Variants in XPO6 observed in about 807,000 individuals in gnomAD.
XPO6 encodes exportin 6, also known as exportin-6.
In XPO6, 3 loss-of-function variants were observed where a neutral mutation model predicts 130.0. The observed-to-expected ratio is 0.02, with a 90% confidence interval of 0.01 to 0.06. XPO6 has a LOEUF of 0.06. Among genes scored for constraint, XPO6 ranks in the 10% least tolerant of loss-of-function variants. XPO6 has a pLI of 1.00. For synonymous variants in XPO6, 524 were observed against 548.9 expected, an observed-to-expected ratio of 0.95 and a Z score of 0.63; for missense variants, 970 against 1,393.0, an observed-to-expected ratio of 0.70 and a Z score of 4.83.
chr16:28,131,908 GC>G (rs1567610446), intron 12 of XPO6, among the ~76,000 whole-genome samples: 1 of 152,214 alleles, frequency 6.6e-6, no homozygotes, highest in Non-Finnish European at 1.5e-5. Flanking sequence ...AGCCCCTGGG[GC>G]CATTTGCAAC....
At chr16:28,193,807 C>T (rs997389329) in intron 1 of XPO6, among the ~76,000 whole-genome samples, 1 of 152,166 alleles carries the variant, frequency 6.6e-6, no homozygotes, top group Admixed American at 6.5e-5. Context: ...GATTCTCAAC[C>T]AATTTTGCTA....
intron 1 of XPO6, among the ~76,000 whole-genome samples, chr16:28,193,839 C>T (rs886238520): frequency 6.6e-6 from 1 of 152,212 alleles, no homozygotes; most frequent in Non-Finnish European, 1.5e-5. Context: ...GTCCGTCTCT[C>T]AGCTCTGCCC....
At chr16:28,136,041 A>T (rs369800389) in intron 9 of XPO6, among the ~76,000 whole-genome samples, 3 of 152,326 alleles carry the variant, frequency 2.0e-5, no homozygotes, top group East Asian at 3.9e-4. Context: ...CAATGATTTC[A>T]TGCTTTTAAC....
rs559255334 is a variant in XPO6, at chr16:28,101,707, G to A, written c.3046-19C>T. The A allele has an allele frequency of 6.2e-7, 1 of 1,600,058 alleles. No homozygotes were observed. Among genetic ancestry groups the A allele is most frequent in the East Asian group, 2.2e-5 (1 of 44,626 alleles). On this transcript the variant is annotated intron_variant, in intron 22 of 23. Transcript: ENST00000304658. This position sits in a 1 kb window ranked among gnomAD's most constrained non-coding sequence, Gnocchi z 5.4. ...AGATCTTCTGCAGGCAGAGAGACCA[G>A]GTGAGCAGCAGCCAGCCCCCAGGGG...
intron 1 of XPO6, among the ~76,000 whole-genome samples, chr16:28,207,393 T>C (rs1316459392): frequency 1.3e-5 from 2 of 152,168 alleles, no homozygotes; most frequent in African/African-American, 2.4e-5. Context: ...CGCTCAATAC[T>C]AAGTAATAAT....
intron 4 of XPO6, among the ~76,000 whole-genome samples, chr16:28,170,399 A>C (rs1221886777): frequency 5.3e-5 from 8 of 152,064 alleles, no homozygotes; most frequent in Non-Finnish European, 1.2e-4. Context: ...ACCATTCAAA[A>C]TACATTCTCA....
intron 1 of XPO6, among the ~76,000 whole-genome samples, chr16:28,182,731 C>G (rs951789117): frequency 3.3e-5 from 5 of 152,132 alleles, no homozygotes; most frequent in Non-Finnish European, 5.9e-5. Flanking sequence ...CTGCAATCTT[C>G]TAAAATGTTT....
At chr16:28,117,111 G>A (rs1305555857) in intron 15 of XPO6, 1 of 570,712 alleles carries the variant, frequency 1.8e-6, no homozygotes, top group Non-Finnish European at 3.0e-6. Flanking sequence ...TATTCATGTG[G>A]AACTCAGATA....
At chr16:28,107,477 CT>C (rs1475530360) in intron 18 of XPO6, 44 bp downstream of exon 18, 2 of 1,609,932 alleles carry the variant, frequency 1.2e-6, no homozygotes, top group African/African-American at 1.3e-5. Context: ...TATTCTGGCC[CT>C]TGTTAGCACC....
rs145686706 is a variant in XPO6, at chr16:28,186,808, G to A, written c.4-5777C>T. ...CCACTTCAGCCTCCTGAGAAGCTGA[G>A]ACTATAGGCACATGCCATCACACCG... On this transcript the variant is annotated intron_variant, in intron 1 of 23. Transcript: ENST00000304658. Among the ~76,000 whole-genome samples, 168 of 152,098 alleles carry A rather than the reference G, an allele frequency of 1.1e-3. 1 individual carries two copies. Among genetic ancestry groups the A allele is most frequent in the African/African-American group, 3.5e-3 (145 of 41,472 alleles).
intron 12 of XPO6, among the ~76,000 whole-genome samples, chr16:28,128,323 G>A (rs1230977501): frequency 1.3e-5 from 2 of 151,994 alleles, no homozygotes; most frequent in Non-Finnish European, 2.9e-5. Context: ...CCAAAAAGAG[G>A]GGAGGCCAGC....
intron 1 of XPO6, among the ~76,000 whole-genome samples, chr16:28,184,026 T>C (rs1007774643): frequency 6.6e-6 from 1 of 152,152 alleles, no homozygotes; most frequent in Non-Finnish European, 1.5e-5. Flanking sequence ...TGGCCAGCTG[T>C]TTCAAGCAAG....
intron 8 of XPO6, among the ~76,000 whole-genome samples, chr16:28,151,499 A>C (rs969970756): frequency 2.0e-5 from 3 of 152,224 alleles, no homozygotes; most frequent in Non-Finnish European, 4.4e-5. Flanking sequence ...AGAAGCTCTA[A>C]AACAGGCGAA....
chr16:28,162,834 G>A (rs554233639), intron 6 of XPO6, among the ~76,000 whole-genome samples: 1 of 152,264 alleles, frequency 6.6e-6, no homozygotes, highest in African/African-American at 2.4e-5. Flanking sequence ...GGGATTTACA[G>A]GCCTAAGCCA....
chr16:28,106,521 G>T lies in XPO6; in HGVS notation c.2498-24C>A. 6.3e-7 allele frequency: 1 copy of T among 1,590,480 alleles called. No homozygotes were observed. Among genetic ancestry groups the T allele is most frequent in the Non-Finnish European group, 8.6e-7 (1 of 1,159,256 alleles). ...ATCTGAGGAAAGGGGCAGAGATATC[G>T]TCAGAGGCTTGCACACAGTGAGAAC... is the stretch of plus-strand genomic sequence containing the variant. On this transcript the variant is annotated intron_variant, in intron 18 of 23. Coordinates refer to ENST00000304658, the MANE Select transcript of XPO6 (RefSeq NM_015171.4). This position sits in a 1 kb window ranked among gnomAD's most constrained non-coding sequence, Gnocchi z 4.2.
intron 15 of XPO6, 198 bp downstream of exon 15, chr16:28,117,120 T>A (rs1722067535): frequency 8.1e-6 from 5 of 619,334 alleles, no homozygotes; most frequent in Non-Finnish European, 1.3e-5. Context: ...GGAACTCAGA[T>A]AACTAAAAAA....
intron 9 of XPO6, among the ~76,000 whole-genome samples, chr16:28,137,918 C>T (rs970794089): frequency 3.9e-5 from 6 of 152,030 alleles, no homozygotes; most frequent in African/African-American, 1.5e-4. Context: ...CCTATGTCCA[C>T]GAGCACCCAC....
intron 17 of XPO6, among the ~76,000 whole-genome samples, chr16:28,108,608 C>T (rs2086839663): frequency 6.6e-6 from 1 of 152,224 alleles, no homozygotes. Flanking sequence ...TTCCCACCAG[C>T]CTCCCCAAAG....
chr16:28,143,688 G>A (rs1424140467), intron 9 of XPO6, among the ~76,000 whole-genome samples: 1 of 152,120 alleles, frequency 6.6e-6, no homozygotes, highest in African/African-American at 2.4e-5. Context: ...CTAGGCTGGA[G>A]TCCAGTGGTA....
Sources: allele counts gnomAD v4.1 joint callset (sites outside exome capture counted in the v4.1 genomes callset), GRCh38; gene constraint gnomAD v4.1.1; non-coding constraint Gnocchi (gnomAD v3.1); transcripts MANE v1.5; gene names NCBI Gene and HGNC (gene_info 2026-07-23, HGNC 2026-07-21).